DENND4C: variants seen among roughly 807,000 people sequenced by gnomAD.
DENND4C encodes DENN domain-containing protein 4C.
DENND4C carries 108 observed loss-of-function variants against 203.0 expected under a neutral mutation model. The observed-to-expected ratio is 0.53, with a 90% confidence interval of 0.46 to 0.62. The LOEUF is 0.62. DENND4C is among the 20% of genes least tolerant of loss of function. DENND4C has a pLI of 0.00. For missense variants in DENND4C, 2,481 were observed against 2,301.2 expected, an observed-to-expected ratio of 1.08 and a Z score of -1.60; for synonymous variants, 871 against 792.4, an observed-to-expected ratio of 1.10 and a Z score of -1.67.
chr9:19,366,387 G>A (rs372825953), intron 30 of DENND4C, among the ~76,000 whole-genome samples: 1 of 152,144 alleles, frequency 6.6e-6, no homozygotes, highest in South Asian at 2.1e-4. Context: ...GGATCACGAG[G>A]TCAGGAGATC....
intron 2 of DENND4C, among the ~76,000 whole-genome samples, chr9:19,285,623 G>A (rs1346375444): frequency 1.4e-5 from 2 of 142,368 alleles, no homozygotes; most frequent in African/African-American, 5.1e-5. Context: ...TGTGCTTTTG[G>A]TGTCATATCT....
chr9:19,319,375 C>CACGT (rs1842446151), intron 12 of DENND4C, among the ~76,000 whole-genome samples: 2 of 117,606 alleles, frequency 1.7e-5, no homozygotes, highest in African/African-American at 8.7e-5. Flanking sequence ...CATATATATA[C>CACGT]ACATACATAT....
At position 19,243,835 on chromosome 9, in the gene DENND4C, G is replaced by A. The variant is rs539216896; in HGVS notation, c.-18+13002G>A. Among the ~76,000 whole-genome samples, 8 of 152,138 alleles carry A rather than the reference G, an allele frequency of 5.3e-5. No homozygotes were observed. In the South Asian group the frequency reaches 1.0e-3, roughly 20 times the overall value. On this transcript the variant is annotated intron_variant, in intron 1 of 32. Transcript: ENST00000434457. ...AGATTTTTTTGTTTGTTTTTGAGACGAAGTCTAGCTCTGTCACCCAGACTG... is the reference window on the plus strand; with the variant it reads ...AGATTTTTTTGTTTGTTTTTGAGACAAAGTCTAGCTCTGTCACCCAGACTG...
intron 31 of DENND4C, 32 bp from the exon 32 acceptor site, chr9:19,371,724 C>G: frequency 8.9e-7 from 1 of 1,118,590 alleles, no homozygotes; most frequent in Non-Finnish European, 1.3e-6. Flanking sequence ...TGCTATTTGC[C>G]CATTGACTTT....
chr9:19,282,558 T>TAAAAA (rs1834276523), intron 2 of DENND4C, among the ~76,000 whole-genome samples: 2 of 54,850 alleles, frequency 3.6e-5, no homozygotes, highest in Non-Finnish European at 9.6e-5. Context: ...CTGGCAAAAA[T>TAAAAA]TAAAAAAAAA....
chr9:19,324,640 C>T (rs1354685839), intron 13 of DENND4C, 133 bp downstream of exon 13: 17 of 858,266 alleles, frequency 2.0e-5, no homozygotes, highest in Non-Finnish European at 2.4e-5. Flanking sequence ...TATGTGTTAC[C>T]GATTCTGGGC....
chr9:19,254,769 A>G (rs183777330), intron 1 of DENND4C, among the ~76,000 whole-genome samples: 1 of 152,296 alleles, frequency 6.6e-6, no homozygotes, highest in East Asian at 1.9e-4. Flanking sequence ...GTATATATAT[A>G]CCAAATCATC....
intron 1 of DENND4C, among the ~76,000 whole-genome samples, chr9:19,237,521 T>C (rs1472471919): frequency 6.6e-6 from 1 of 152,112 alleles, no homozygotes; most frequent in African/African-American, 2.4e-5. Flanking sequence ...CTGGCTAATT[T>C]TGTGTGTGTG....
intron 26 of DENND4C, among the ~76,000 whole-genome samples, chr9:19,354,693 C>T (rs1325422712): frequency 6.6e-6 from 1 of 150,642 alleles, no homozygotes; most frequent in African/African-American, 2.4e-5. Context: ...CTGGGAGTGC[C>T]CACCACCATG....
At position 19,360,301 on chromosome 9, in the gene DENND4C, C is replaced by T; in HGVS notation, c.5218C>T (p.Leu1740=). The T allele has an allele frequency of 6.2e-7, 1 of 1,614,044 alleles. No individual in the cohort carries two copies. The highest frequency in any genetic ancestry group is 8.5e-7 in the Non-Finnish European group (1 of 1,179,962). The change falls in exon 29 of 33, where the codon CTA becomes TTA. Residue 1740 remains leucine, a synonymous_variant. Transcript: ENST00000434457. ...PPVSVPYLSP[L]VLRKELESLL... is the part of the protein sequence containing the mutation. ...TGTTTCTGTGCCCTACTTGAGTCCTCTAGTACTCCGTAAAGAACTTGAATC... is the reference window on the plus strand; with the variant it reads ...TGTTTCTGTGCCCTACTTGAGTCCTTTAGTACTCCGTAAAGAACTTGAATC...
intron 12 of DENND4C, among the ~76,000 whole-genome samples, chr9:19,321,186 A>T (rs1842820080): frequency 6.6e-6 from 1 of 152,218 alleles, no homozygotes; most frequent in Admixed American, 6.5e-5. Flanking sequence ...CCATACAGAG[A>T]TTGCACTGGA....
At chr9:19,310,760 C>G (rs777905040) in intron 10 of DENND4C, among the ~76,000 whole-genome samples, 3 of 151,880 alleles carry the variant, frequency 2.0e-5, no homozygotes, top group Non-Finnish European at 4.4e-5. Context: ...CCTCCTACAA[C>G]TTGATGTTGG....
intron 17 of DENND4C, among the ~76,000 whole-genome samples, chr9:19,332,452 G>T (rs962504167): frequency 6.6e-6 from 1 of 151,596 alleles, no homozygotes; most frequent in Non-Finnish European, 1.5e-5. Flanking sequence ...TGCCTCCCGG[G>T]TTCAGACAGT....
chr9:19,296,873 C>T (rs10511672), intron 6 of DENND4C, among the ~76,000 whole-genome samples: 1 of 152,144 alleles, frequency 6.6e-6, no homozygotes, highest in African/African-American at 2.4e-5. Flanking sequence ...CAAATTCTAA[C>T]CGTAATACCT....
In DENND4C at chr9:19,274,825, C is replaced by A. The variant is rs1305918348; in HGVS notation, c.-17-1333C>A. The stretch of plus-strand genomic sequence containing the variant: ...TACCTTAATTTTTCTGATCTTGGAT[C>A]TTGACTGATGATGCACTCAATTTAT... On this transcript the variant is annotated intron_variant, in intron 1 of 32. Transcript: ENST00000434457. Among the ~76,000 whole-genome samples, 2 of 152,154 alleles carry A rather than the reference C, an allele frequency of 1.3e-5. 1 individual carries two copies. The highest frequency in any genetic ancestry group is 2.9e-5 in the Non-Finnish European group (2 of 68,022).
At chr9:19,333,072 T>C (rs1363385303) in intron 17 of DENND4C, among the ~76,000 whole-genome samples, 1 of 151,850 alleles carries the variant, frequency 6.6e-6, no homozygotes, top group Non-Finnish European at 1.5e-5. Context: ...TGGAGTGCAG[T>C]GGCACTGTCA....
intron 1 of DENND4C, among the ~76,000 whole-genome samples, chr9:19,262,700 G>T (rs1412478630): frequency 6.6e-6 from 1 of 152,040 alleles, no homozygotes; most frequent in East Asian, 1.9e-4. Flanking sequence ...CCAGAGTGCT[G>T]GGATTACAGG....
Position 19,293,053 on chromosome 9 carries a change from A to G in DENND4C, c.801+2177A>G, listed in dbSNP as rs535101750. On this transcript the variant is annotated intron_variant, in intron 5 of 32. Coordinates refer to ENST00000434457, the MANE Select transcript of DENND4C (RefSeq NM_001330640.2). ...CATAGAAAATACTGAGTGAAGGTCA[A>G]TATTATATTAACTTGATTGCCCACT... Among the ~76,000 whole-genome samples, 9 of 152,348 alleles carry G rather than the reference A, an allele frequency of 5.9e-5. No homozygotes were observed. In the East Asian group the frequency reaches 1.5e-3, roughly 26 times the overall value.
chr9:19,298,126 A>C lies in DENND4C; in HGVS notation c.1107+4A>C, dbSNP rs774799137. 1 of 1,606,738 alleles carries C rather than the reference A, an allele frequency of 6.2e-7. No homozygotes were observed. The highest frequency in any genetic ancestry group is 1.1e-5 in the South Asian group (1 of 89,208). On this transcript the variant is annotated splice_donor_region_variant and intron_variant, in intron 7 of 32. Coordinates refer to ENST00000434457, the MANE Select transcript of DENND4C (RefSeq NM_001330640.2). ...AAGACCGAGAATCCTTGTCCAGGTA[A>C]TCAAAAGAGAGTATATTTGGGGAGA...
Sources: gnomAD v4.1 joint callset for allele counts (sites outside exome capture counted in the v4.1 genomes callset) on GRCh38, gnomAD v4.1.1 for gene constraint, MANE v1.5 for transcripts, NCBI Gene and HGNC (gene_info 2026-07-23, HGNC 2026-07-21) for gene names.